The following TCFL5 variants were observed in gnomAD, a reference collection of about 807,000 sequenced individuals.
The protein encoded by TCFL5 is transcription factor like 5, also known as transcription factor-like 5 protein.
TCFL5 carries 9 observed loss-of-function variants against 44.3 expected under a neutral mutation model. That is an observed-to-expected ratio of 0.20 (90% CI 0.12 to 0.35). TCFL5 has a LOEUF of 0.35. TCFL5 is among the 10% of genes least tolerant of loss of function. The pLI, the probability that TCFL5 is intolerant of heterozygous loss-of-function variation, is 1.00. For synonymous variants in TCFL5, 319 were observed against 271.6 expected, an observed-to-expected ratio of 1.17 and a Z score of -1.72; for missense variants, 603 against 613.4, an observed-to-expected ratio of 0.98 and a Z score of 0.18.
intron 4 of TCFL5, among the ~76,000 whole-genome samples, chr20:62,856,839 T>C (rs1267686363): frequency 6.6e-6 from 1 of 152,146 alleles, no homozygotes; most frequent in Non-Finnish European, 1.5e-5. Flanking sequence ...TAGTGGAGTC[T>C]GCAAACCTAG....
chr20:62,858,744 G>T (rs2063936034), intron 3 of TCFL5, among the ~76,000 whole-genome samples: 5 of 64,726 alleles, frequency 7.7e-5, no homozygotes, highest in Admixed American at 7.0e-4. Flanking sequence ...TCCCAGGGAG[G>T]AAGGGGCTAC....
Position 62,861,244 on chromosome 20 carries a change from T to A in TCFL5, c.427A>T (p.Thr143Ser), listed in dbSNP as rs1471673333. Residue 143 changes from threonine (T) to serine (S), a missense_variant, in exon 1 of 6, where the codon ACG becomes TCG. Physicochemically the swap from Thr to Ser is moderately conservative, Grantham distance 58. Coordinates refer to ENST00000335351, the MANE Select transcript of TCFL5 (RefSeq NM_006602.4). This position sits in a 1 kb window ranked among gnomAD's most constrained non-coding sequence, Gnocchi z 4.0. ...CTCGCTCCGTCCCCGCCGCCCGACG[T>A]CTTCTCCGCCGCGCCCGCCTCGCTT... ...LLSEAGAAEK[T>S]SGGGDGARAR... 1 of 1,184,456 alleles carries A rather than the reference T, an allele frequency of 8.4e-7. No homozygotes were observed. The highest frequency in any genetic ancestry group is 1.1e-6 in the Non-Finnish European group (1 of 940,376). The allele number at this position is 1,184,456 out of a possible 1,614,324, so 73.4% of individuals were successfully genotyped here. A position where few individuals can be genotyped will look rare whatever the true frequency, so the allele number is the denominator to read the frequency against.
chr20:62,860,801 G>T lies in TCFL5; in HGVS notation c.647+223C>A, dbSNP rs563573916. Among the ~76,000 whole-genome samples, 12 of 152,334 alleles carry T rather than the reference G, an allele frequency of 7.9e-5. No homozygotes were observed. In the East Asian group the frequency reaches 2.3e-3, roughly 29 times the overall value. On this transcript the variant is annotated intron_variant, in intron 1 of 5. Transcript: ENST00000335351. ...GCCCCACTCCAGGCGGGGCCACTGA[G>T]GGAGGGGGTGTTTAGTTTCTGGAAG...
At chr20:62,848,456 G>A (rs1348933782) in intron 5 of TCFL5, among the ~76,000 whole-genome samples, 1 of 152,162 alleles carries the variant, frequency 6.6e-6, no homozygotes, top group Non-Finnish European at 1.5e-5. Flanking sequence ...AAGTCAACAC[G>A]GGGGCCGGGC....
chr20:62,848,836 A>C (rs1340056289), intron 5 of TCFL5, among the ~76,000 whole-genome samples: 1 of 151,222 alleles, frequency 6.6e-6, no homozygotes, highest in Non-Finnish European at 1.5e-5. Flanking sequence ...AGGAGTTCAA[A>C]ATCAGCCTGG....
chr20:62,845,904 A>C (rs745567984), intron 5 of TCFL5: 2 of 1,531,764 alleles, frequency 1.3e-6, no homozygotes, highest in African/African-American at 2.7e-5. Context: ...AGAATGAGTT[A>C]AATGCTAAGG....
At chr20:62,848,368 T>G (rs938611320) in intron 5 of TCFL5, among the ~76,000 whole-genome samples, 1 of 152,226 alleles carries the variant, frequency 6.6e-6, no homozygotes, top group African/African-American at 2.4e-5. Flanking sequence ...TGGGCACTAT[T>G]GAGACAGCAG....
chr20:62,854,686 T>C (rs1192034618), intron 4 of TCFL5, among the ~76,000 whole-genome samples: 1 of 152,252 alleles, frequency 6.6e-6, no homozygotes, highest in Non-Finnish European at 1.5e-5. Context: ...ATTCTGAAAC[T>C]TGGTCTTTGT....
At chr20:62,848,144 C>T (rs6062708) in intron 5 of TCFL5, among the ~76,000 whole-genome samples, 5 of 152,192 alleles carry the variant, frequency 3.3e-5, no homozygotes, top group East Asian at 3.9e-4. Context: ...ACAGACAGCA[C>T]GTGAGGGACA....
chr20:62,853,053 C>G (rs1349859395), intron 5 of TCFL5, among the ~76,000 whole-genome samples: 2 of 150,600 alleles, frequency 1.3e-5, no homozygotes, highest in Non-Finnish European at 2.9e-5. Context: ...ACCCGGTCCA[C>G]AGAAGTACAG....
chr20:62,860,439 A>C, intron 1 of TCFL5, 131 bp from the exon 2 acceptor site: 1 of 759,730 alleles, frequency 1.3e-6, no homozygotes, highest in Non-Finnish European at 2.1e-6. Flanking sequence ...TCTCTACACA[A>C]CAATTAGCAA....
rs1488610598 is a variant in TCFL5 at position 62,861,363 on chromosome 20, G to A, written c.308C>T (p.Ala103Val). 2.8e-6 allele frequency: 3 copies of A among 1,066,440 alleles called. No individual in the cohort carries two copies. The highest frequency in any genetic ancestry group is 4.2e-4 in the Middle Eastern group (1 of 2,392). The allele number at this position is 1,066,440 out of a possible 1,614,324, so 66.1% of individuals were successfully genotyped here. Reference protein sequence around the residue: ...GFAAGGQGGAAPVYPVLCPSA... With the variant: ...GFAAGGQGGAVPVYPVLCPSA... ...CGGGCACAGCACGGGGTACACGGGCGCCGCGCCCCCCTGACCGCCCGCCGC... is the reference window on the plus strand; with the variant it reads ...CGGGCACAGCACGGGGTACACGGGCACCGCGCCCCCCTGACCGCCCGCCGC... The change falls in exon 1 of 6, where the codon GCG becomes GTG. Residue 103 changes from alanine (A) to valine (V), a missense_variant. Around this residue, in one of 4 missense-constraint regions of TCFL5, gnomAD observed 540 missense variants for 478.7 expected, o/e 1.13. Transcript: ENST00000335351. The surrounding 1 kb of genome is among the most constrained non-coding windows in gnomAD (Gnocchi z 4.0).
At chr20:62,853,327 A>G (rs975086574) in intron 5 of TCFL5, among the ~76,000 whole-genome samples, 58 of 39,694 alleles carry the variant, frequency 1.5e-3, no homozygotes, top group African/African-American at 5.8e-3. Flanking sequence ...ACTTATCTGC[A>G]TTTTTGTTTC....
At chr20:62,854,883 G>A (rs1187789672) in intron 4 of TCFL5, among the ~76,000 whole-genome samples, 1 of 152,140 alleles carries the variant, frequency 6.6e-6, no homozygotes, top group Non-Finnish European at 1.5e-5. Flanking sequence ...ACAGCAGCTG[G>A]CATTTACTAG....
intron 5 of TCFL5, chr20:62,852,064 C>G: frequency 8.1e-6 from 8 of 985,256 alleles, no homozygotes; most frequent in Non-Finnish European, 9.6e-6. Flanking sequence ...CCTCGGCCTC[C>G]CAAGTGCTGG....
In TCFL5 at chr20:62,842,238, GTCTT is replaced by G; in HGVS notation, c.1381-145_1381-142del. The G allele has an allele frequency of 2.8e-6, 3 of 1,071,944 alleles. No homozygotes were observed. The highest frequency in any genetic ancestry group is 1.7e-5 in the South Asian group (1 of 60,540). 66.4% of individuals were successfully genotyped at this position (1,071,944 alleles called of 1,614,324 possible). On this transcript the variant is annotated intron_variant, in intron 5 of 5. Coordinates refer to ENST00000335351, the MANE Select transcript of TCFL5 (RefSeq NM_006602.4). This position sits in a 1 kb window ranked among gnomAD's most constrained non-coding sequence, Gnocchi z 4.3. ...TTTAAGGTGTCATTCACAAACTTGTGTCTTACCTCACAAGGGGATTTATATAATA... is the reference window on the plus strand; with the variant it reads ...TTTAAGGTGTCATTCACAAACTTGTGACCTCACAAGGGGATTTATATAATA...
intron 5 of TCFL5, chr20:62,852,888 T>A (rs2063831043): frequency 7.8e-7 from 1 of 1,289,156 alleles, no homozygotes; most frequent in South Asian, 1.2e-5. Flanking sequence ...AGTCACCCAG[T>A]CTGCAGAAGT....
At chr20:62,859,719 GTTTT>G (rs68160695) in intron 2 of TCFL5, among the ~76,000 whole-genome samples, 193 bp from the exon 3 acceptor site, 6 of 149,606 alleles carry the variant, frequency 4.0e-5, no homozygotes, top group Admixed American at 2.0e-4. Flanking sequence ...TTTTGTTTTT[GTTTT>G]TTTGTTTTTT....
At position 62,841,846 on chromosome 20, in the gene TCFL5, G is replaced by C; in HGVS notation, c.*129C>G. ...AAATGTGCTCTCAAAGTCCCTACTG[G>C]AGTCCCGTCAGCTTGAGTCACGCCC... On this transcript the variant is annotated 3_prime_UTR_variant, in exon 6 of 6. Transcript: ENST00000335351. The C allele has an allele frequency of 8.0e-7, 1 of 1,257,606 alleles. No individual in the cohort carries two copies. The highest frequency in any genetic ancestry group is 1.1e-6 in the Non-Finnish European group (1 of 923,956). The allele number at this position is 1,257,606 out of a possible 1,614,324, so 77.9% of individuals were successfully genotyped here.
Sources: allele counts gnomAD v4.1 joint callset (sites outside exome capture counted in the v4.1 genomes callset), GRCh38; gene constraint gnomAD v4.1.1; regional missense constraint gnomAD v4.1.1; non-coding constraint Gnocchi (gnomAD v3.1); transcripts MANE v1.5; gene names NCBI Gene and HGNC (gene_info 2026-07-23, HGNC 2026-07-21).